Variants in RPS14 observed in about 807,000 individuals in gnomAD.
RPS14 encodes the protein small ribosomal subunit protein uS11.
RPS14 carries 1 observed loss-of-function variant against 15.4 expected under a neutral mutation model. The ratio of observed to expected loss-of-function variants is 0.07; its 90% CI spans 0.02 to 0.31. RPS14 has a LOEUF of 0.31. RPS14 is among the 10% of genes least tolerant of loss of function. The pLI, the probability that RPS14 is intolerant of heterozygous loss-of-function variation, is 1.00. For synonymous variants in RPS14, 68 were observed against 74.4 expected (o/e 0.91, Z 0.44); for missense variants, 69 against 205.5 (o/e 0.34, Z 4.06).
At chr5:150,447,488 A>T in intron 2 of RPS14, 97 bp downstream of exon 2, 1 of 1,237,554 alleles carries the variant, frequency 8.1e-7, no homozygotes, top group African/African-American at 1.5e-5. Context: ...ACAAAACAGC[A>T]TTTCTTTAGA....
At chr5:150,444,692 A>C (rs1289362231) in intron 4 of RPS14, 8 of 502,700 alleles carry the variant, frequency 1.6e-5, no homozygotes, top group Non-Finnish European at 2.7e-5. Flanking sequence ...TCTCGTTTTC[A>C]TTAAGTAAAA....
At chr5:150,444,861 C>CAAAA (rs58978883) in intron 4 of RPS14, among the ~76,000 whole-genome samples, 3 of 138,138 alleles carry the variant, frequency 2.2e-5, no homozygotes, top group Non-Finnish European at 4.7e-5. Flanking sequence ...CTCCCCGCTA[C>CAAAA]AAAAAAAAAA....
In RPS14 at chr5:150,444,008, G is replaced by T; in HGVS notation, c.*278C>A. ...TTCCCACTCTGGCTCTTTAAGAATT[G>T]GTCCATATTTAGAACCAGCATCTCC... On this transcript the variant is annotated 3_prime_UTR_variant, in exon 5 of 5. Coordinates refer to ENST00000407193, the MANE Select transcript of RPS14 (RefSeq NM_005617.4). The T allele has an allele frequency of 4.0e-6, 1 of 249,976 alleles. No individual in the cohort carries two copies. The highest frequency in any genetic ancestry group is 7.8e-6 in the Non-Finnish European group (1 of 128,816). The allele number at this position is 249,976 out of a possible 1,614,324, so 15.5% of individuals were successfully genotyped here. A position where few individuals can be genotyped will look rare whatever the true frequency, so the allele number is the denominator to read the frequency against.
At chr5:150,447,938 A>AAGTACCATG (rs1771154117) in intron 1 of RPS14, 1 of 559,746 alleles carries the variant, frequency 1.8e-6, no homozygotes, top group Non-Finnish European at 3.2e-6. Context: ...CCACATGGCA[A>AAGTACCATG]AGTACCATGA....
intron 4 of RPS14, 175 bp from the exon 5 acceptor site, chr5:150,444,528 A>C (rs374856232): frequency 1.5e-6 from 1 of 675,266 alleles, no homozygotes. Context: ...AGTTCCTCGA[A>C]TTTCCTGACG....
rs767113436 is a variant in RPS14 at position 150,444,048 on chromosome 5, C to G, written c.*238G>C. 6 of 376,218 alleles carry G rather than the reference C, an allele frequency of 1.6e-5. No individual in the cohort carries two copies. Among genetic ancestry groups the G allele is most frequent in the Admixed American group, 4.6e-5 (1 of 21,614 alleles). The allele number at this position is 376,218 out of a possible 1,614,324, so 23.3% of individuals were successfully genotyped here. A position where few individuals can be genotyped will look rare whatever the true frequency, so the allele number is the denominator to read the frequency against. ...CCAGCATCTCCACTCAAAACGAGGT[C>G]TCCAACGCCTTGGTCTGCTTTAGAT... is the stretch of plus-strand genomic sequence containing the variant. On this transcript the variant is annotated 3_prime_UTR_variant, in exon 5 of 5. Transcript: ENST00000407193.
chr5:150,444,334 G>T lies in RPS14; in HGVS notation c.408C>A (p.Pro136=), dbSNP rs753220733. 5 of 1,611,528 alleles carry T rather than the reference G, an allele frequency of 3.1e-6. No homozygotes were observed. The East Asian group carries it at 1.1e-4, about 36-fold the overall frequency. ...IGRIEDVTPI[P]SDSTRRKGGR... is the part of the protein sequence containing the mutation. ...CCCCCTTCCTGCGAGTGCTGTCAGA[G>T]GGGATGGGGGTGACATCCTCTGTGG... is the stretch of plus-strand genomic sequence containing the variant. The change falls in exon 5 of 5, where the codon CCC becomes CCA. Residue 136 remains proline, a synonymous_variant. Coordinates refer to ENST00000407193, the MANE Select transcript of RPS14 (RefSeq NM_005617.4).
Position 150,447,662 on chromosome 5 carries a change from T to G in RPS14, c.72A>C (p.Gly24=). 6.2e-7 allele frequency: 1 copy of G among 1,614,048 alleles called. No individual in the cohort carries two copies. Among genetic ancestry groups the G allele is most frequent in the Non-Finnish European group, 8.5e-7 (1 of 1,179,922 alleles). ...TATGGCAGACACCAAATACATTCTC[T>G]CCTTCAGCCACCTGAGGTCCGAGGC... ...VISLGPQVAE[G]ENVFGVCHIF... is the part of the protein sequence containing the mutation. The change falls in exon 2 of 5, where the codon GGA becomes GGC. Residue 24 remains glycine, a synonymous_variant. Transcript: ENST00000407193.
intron 4 of RPS14, 177 bp downstream of exon 4, chr5:150,445,432 C>CA: frequency 1.4e-6 from 1 of 715,278 alleles, no homozygotes. Flanking sequence ...ATCAAGGTGA[C>CA]AGAGATATTC....
intron 3 of RPS14, among the ~76,000 whole-genome samples, chr5:150,445,984 C>T (rs1472835422): frequency 2.0e-5 from 3 of 151,908 alleles, no homozygotes; most frequent in Non-Finnish European, 2.9e-5. Flanking sequence ...CCCAGCTACT[C>T]GGGAGGCTGA....
At chr5:150,445,549 T>G in intron 4 of RPS14, 60 bp downstream of exon 4, 1 of 1,507,470 alleles carries the variant, frequency 6.6e-7, no homozygotes, top group Non-Finnish European at 9.2e-7. Context: ...GCACAGCACG[T>G]GCTTTTTGGG....
chr5:150,444,037 C>A lies in RPS14; in HGVS notation c.*249G>T. 3.1e-6 allele frequency: 1 copy of A among 327,104 alleles called. No individual in the cohort carries two copies. The highest frequency in any genetic ancestry group is 5.6e-6 in the Non-Finnish European group (1 of 179,972). The allele number at this position is 327,104 out of a possible 1,614,324, so 20.3% of individuals were successfully genotyped here. On this transcript the variant is annotated 3_prime_UTR_variant, in exon 5 of 5. Coordinates refer to ENST00000407193, the MANE Select transcript of RPS14 (RefSeq NM_005617.4). Reference sequence around the variant, plus strand: ...CATATTTAGAACCAGCATCTCCACTCAAAACGAGGTCTCCAACGCCTTGGT... The same window carrying A: ...CATATTTAGAACCAGCATCTCCACTAAAAACGAGGTCTCCAACGCCTTGGT...
In RPS14 at chr5:150,443,217, T is replaced by C. The variant is rs1398999083; in HGVS notation, c.*1069A>G. 1 of 94,790 alleles carries C rather than the reference T, an allele frequency of 1.1e-5. No individual in the cohort carries two copies. The highest frequency in any genetic ancestry group is 2.7e-5 in the Non-Finnish European group (1 of 36,734). The allele number at this position is 94,790 out of a possible 1,614,324, so 5.9% of individuals were successfully genotyped here. ...GGGTACATGTGCACAACGTGCAGGT[T>C]TGTTACATATGTATACATGTGCCAT... is the stretch of plus-strand genomic sequence containing the variant. On this transcript the variant is annotated 3_prime_UTR_variant, in exon 5 of 5. Transcript: ENST00000407193.
chr5:150,444,265 A>C lies in RPS14; in HGVS notation c.*21T>G. 6.2e-7 allele frequency: 1 copy of C among 1,601,946 alleles called. No homozygotes were observed. The highest frequency in any genetic ancestry group is 8.5e-7 in the Non-Finnish European group (1 of 1,172,912). On this transcript the variant is annotated 3_prime_UTR_variant, in exon 5 of 5. Coordinates refer to ENST00000407193, the MANE Select transcript of RPS14 (RefSeq NM_005617.4). ...TACATGAAGGCAATTTATTAACAGAAAATATTTTGAGGAATCTTGTTCACA... is the reference window on the plus strand; with the variant it reads ...TACATGAAGGCAATTTATTAACAGACAATATTTTGAGGAATCTTGTTCACA...
At chr5:150,448,219 T>G (rs1771163411) in intron 1 of RPS14, 1 of 153,582 alleles carries the variant, frequency 6.5e-6, no homozygotes, top group Admixed American at 6.5e-5. Context: ...TTTCCTGTGC[T>G]CCACCTGATC....
intron 1 of RPS14, chr5:150,449,496 C>G (rs1312178790): frequency 7.5e-6 from 1 of 132,724 alleles, no homozygotes; most frequent in East Asian, 2.5e-4. Context: ...CCTTACTTCA[C>G]AAGCTCCTCC....
intron 4 of RPS14, chr5:150,444,685 C>G (rs1285995734): frequency 1.9e-6 from 1 of 516,896 alleles, no homozygotes; most frequent in Non-Finnish European, 3.7e-6. Flanking sequence ...GCAACTGTCT[C>G]GTTTTCATTA....
Position 150,446,680 on chromosome 5 carries a change from GTA to G in RPS14, c.311+120_311+121del. 1.9e-6 allele frequency: 2 copies of G among 1,045,538 alleles called. No homozygotes were observed. The highest frequency in any genetic ancestry group is 2.8e-6 in the Non-Finnish European group (2 of 703,842). 64.8% of individuals were successfully genotyped at this position (1,045,538 alleles called of 1,614,324 possible). The stretch of plus-strand genomic sequence containing the variant: ...TACACAGGAGCCAATTATTAAGTAT[GTA>G]TATGCCTAAAATATCTTGTTCAAGG... On this transcript the variant is annotated intron_variant, in intron 3 of 4. Transcript: ENST00000407193. The surrounding 1 kb of genome is among the most constrained non-coding windows in gnomAD (Gnocchi z 4.2).
At chr5:150,447,890 CTTCT>C (rs1581278234) in intron 1 of RPS14, 155 bp from the exon 2 acceptor site, 1 of 802,674 alleles carries the variant, frequency 1.2e-6, no homozygotes, top group East Asian at 2.6e-5. Flanking sequence ...CTCACTAAAA[CTTCT>C]TTCTCCTTGC....
Sources: allele counts gnomAD v4.1 joint callset (sites outside exome capture counted in the v4.1 genomes callset), GRCh38; gene constraint gnomAD v4.1.1; non-coding constraint Gnocchi (gnomAD v3.1); transcripts MANE v1.5; gene names NCBI Gene and HGNC (gene_info 2026-07-23, HGNC 2026-07-21).